Variants in ELOVL5 observed in about 807,000 individuals in gnomAD.
ELOVL5 encodes the protein very long chain fatty acid elongase 5.
Under a neutral mutation model 38.6 loss-of-function variants are expected in ELOVL5, and 8 were observed. The ratio of observed to expected loss-of-function variants is 0.21; its 90% confidence interval spans 0.12 to 0.37. The LOEUF (loss-of-function observed/expected upper bound fraction) is 0.37. Among genes scored for constraint, ELOVL5 ranks in the 10% least tolerant of loss-of-function variants. The probability of loss-of-function intolerance (pLI) is 1.00; values close to 1 mark genes in which losing one functional copy is unlikely to be tolerated. For synonymous variants in ELOVL5, 127 were observed against 133.7 expected, an observed-to-expected ratio of 0.95 and a Z score of 0.34; for missense variants, 280 against 367.8, an observed-to-expected ratio of 0.76 and a Z score of 1.95.
chr6:53,322,610 C>T lies in ELOVL5; in HGVS notation c.-9+26207G>A, dbSNP rs973058233. 4.6e-5 allele frequency among the ~76,000 whole-genome samples: 7 copies of T among 152,308 alleles called. No individual in the cohort carries two copies. In the South Asian group the frequency reaches 1.2e-3, roughly 27 times the overall value. On this transcript the variant is annotated intron_variant, in intron 1 of 7. Coordinates refer to ENST00000304434, the MANE Select transcript of ELOVL5 (RefSeq NM_021814.5). ...CACCACACCTAGAATAAACAAACAG[C>T]ATAAAACACAACAGCTTCCATTTAG...
intron 1 of ELOVL5, among the ~76,000 whole-genome samples, chr6:53,306,163 A>T (rs1326907211): frequency 8.9e-5 from 13 of 146,404 alleles, no homozygotes. Flanking sequence ...AGCACAGTCC[A>T]GCTTTGGCTC....
intron 3 of ELOVL5, among the ~76,000 whole-genome samples, chr6:53,283,719 GAAA>G (rs958543380): frequency 1.9e-4 from 29 of 152,118 alleles, no homozygotes; most frequent in African/African-American, 6.7e-4. Flanking sequence ...TGCCTAGAAA[GAAA>G]AAAAGATTAC....
chr6:53,282,808 T>G (rs1766410632), intron 3 of ELOVL5, among the ~76,000 whole-genome samples: 1 of 152,352 alleles, frequency 6.6e-6, no homozygotes, highest in Non-Finnish European at 1.5e-5. Flanking sequence ...CCAGGTTGCT[T>G]AAGTGTTTTT....
intron 1 of ELOVL5, among the ~76,000 whole-genome samples, chr6:53,332,065 T>C (rs1768828383): frequency 2.0e-5 from 3 of 152,224 alleles, no homozygotes; most frequent in Admixed American, 2.0e-4. Context: ...TACCATGAGA[T>C]GGCACCAAGT....
At chr6:53,293,304 A>AT (rs1157571971) in intron 2 of ELOVL5, among the ~76,000 whole-genome samples, 5 of 151,942 alleles carry the variant, frequency 3.3e-5, no homozygotes, top group Admixed American at 6.5e-5. Context: ...CATTTCTTTA[A>AT]TTTTTTTATT....
At chr6:53,302,455 G>A (rs990468295) in intron 1 of ELOVL5, among the ~76,000 whole-genome samples, 1 of 152,148 alleles carries the variant, frequency 6.6e-6, no homozygotes, top group Admixed American at 6.6e-5. Flanking sequence ...GAGGTGGTTG[G>A]GGTTAATGAG....
chr6:53,323,818 T>C (rs1313680413), intron 1 of ELOVL5, among the ~76,000 whole-genome samples: 3 of 152,138 alleles, frequency 2.0e-5, no homozygotes, highest in Non-Finnish European at 4.4e-5. Context: ...CCCGACCATC[T>C]GACCGACCAT....
chr6:53,324,672 C>CAAAAAAA (rs200304234), intron 1 of ELOVL5, among the ~76,000 whole-genome samples: 8,280 of 79,932 alleles, frequency 0.1, 778 homozygotes, highest in African/African-American at 0.24. Flanking sequence ...GAGATCCTGT[C>CAAAAAAA]AAAAAAAAAA....
intron 3 of ELOVL5, among the ~76,000 whole-genome samples, chr6:53,285,475 G>C (rs1313667490): frequency 2.0e-5 from 3 of 152,228 alleles, no homozygotes; most frequent in African/African-American, 7.2e-5. Flanking sequence ...ACACAAAAGG[G>C]CAAGGTGTAG....
chr6:53,272,973 T>C (rs532876575), intron 6 of ELOVL5, among the ~76,000 whole-genome samples: 22 of 152,360 alleles, frequency 1.4e-4, no homozygotes, highest in Admixed American at 3.3e-4. Flanking sequence ...AGAGCTGAAC[T>C]TGAAGTTGGC....
intron 1 of ELOVL5, among the ~76,000 whole-genome samples, chr6:53,329,800 G>A (rs1443654657): frequency 6.6e-6 from 1 of 152,080 alleles, no homozygotes. Flanking sequence ...CTCAGCCTGG[G>A]GGACAAGAGC....
chr6:53,328,052 T>TA (rs907670408), intron 1 of ELOVL5, among the ~76,000 whole-genome samples: 9 of 152,020 alleles, frequency 5.9e-5, no homozygotes, highest in African/African-American at 1.9e-4. Context: ...CCACAGATAG[T>TA]AAAAAACCTA....
At chr6:53,295,558 A>G in intron 2 of ELOVL5, 84 bp downstream of exon 2, 1 of 878,568 alleles carries the variant, frequency 1.1e-6, no homozygotes, top group Non-Finnish European at 1.8e-6. Flanking sequence ...AACATTTTCT[A>G]CTATCTCCTC....
chr6:53,287,148 AT>A (rs1324193521), intron 3 of ELOVL5, among the ~76,000 whole-genome samples: 1 of 152,134 alleles, frequency 6.6e-6, no homozygotes, highest in Non-Finnish European at 1.5e-5. Flanking sequence ...AAAATTACAA[AT>A]TTTTTTCTTT....
intron 1 of ELOVL5, among the ~76,000 whole-genome samples, chr6:53,322,720 A>C (rs927795965): frequency 6.6e-6 from 1 of 152,254 alleles, no homozygotes; most frequent in Non-Finnish European, 1.5e-5. Flanking sequence ...CTGAAAAAGA[A>C]GACTCCACCA....
intron 1 of ELOVL5, among the ~76,000 whole-genome samples, chr6:53,321,411 C>A (rs1768299741): frequency 6.6e-6 from 1 of 152,134 alleles, no homozygotes; most frequent in African/African-American, 2.4e-5. Flanking sequence ...TTTACGTATT[C>A]CTCTAATATT....
intron 1 of ELOVL5, among the ~76,000 whole-genome samples, chr6:53,316,993 G>A (rs1254372322): frequency 6.6e-6 from 1 of 152,088 alleles, no homozygotes; most frequent in Non-Finnish European, 1.5e-5. Context: ...TCTCTTACAG[G>A]GAAAAATAAG....
intron 3 of ELOVL5, among the ~76,000 whole-genome samples, chr6:53,288,778 C>T (rs1766663986): frequency 6.6e-6 from 1 of 152,142 alleles, no homozygotes; most frequent in South Asian, 2.1e-4. Flanking sequence ...AAGACTTCTT[C>T]CTATTGGCCA....
At chr6:53,338,659 A>G (rs1010215938) in intron 1 of ELOVL5, among the ~76,000 whole-genome samples, 10 of 152,218 alleles carry the variant, frequency 6.6e-5, no homozygotes, top group Admixed American at 5.9e-4. Context: ...CTCTACTTCA[A>G]TCATATTCTA....
Sources: allele counts gnomAD v4.1 joint callset (sites outside exome capture counted in the v4.1 genomes callset), GRCh38; gene constraint gnomAD v4.1.1; transcripts MANE v1.5; gene names NCBI Gene and HGNC (gene_info 2026-07-23, HGNC 2026-07-21).